Variants in CLEC12A observed in about 807,000 individuals in gnomAD.
CLEC12A encodes the protein C-type lectin protein CLL-1.
CLEC12A carries 22 observed loss-of-function variants against 26.5 expected under a neutral mutation model. That is an observed-to-expected ratio of 0.83 (90% CI 0.59 to 1.19). The LOEUF (loss-of-function observed/expected upper bound fraction) is 1.19, where lower values mean the gene tolerates loss of function less well. Ranked by LOEUF, CLEC12A falls within the 50% of genes most tolerant of loss-of-function variation. The pLI is 0.00. For synonymous variants in CLEC12A, 119 were observed against 101.9 expected (o/e 1.17, Z -1.01); for missense variants, 353 against 315.6 (o/e 1.12, Z -0.90).
chr12:9,957,293 G>T (rs1863756700), intron 1 of CLEC12A, among the ~76,000 whole-genome samples: 1 of 152,094 alleles, frequency 6.6e-6, no homozygotes, highest in Admixed American at 6.5e-5. Flanking sequence ...TTTGAGACTA[G>T]CCTGACCAAC....
At chr12:9,994,347 G>T (rs1864976801) in intron 4 of CLEC12A, among the ~76,000 whole-genome samples, 1 of 152,092 alleles carries the variant, frequency 6.6e-6, no homozygotes, top group Admixed American at 6.6e-5. Flanking sequence ...CTGTGAAGAG[G>T]CTTGCTTGTA....
At chr12:9,998,218 G>T, downstream of CLEC12A, 9 of 1,206,214 alleles carry the variant, frequency 7.5e-6, no homozygotes, top group Non-Finnish European at 1.1e-5. Context: ...AGCTTAGTGG[G>T]ATATGCCATG....
chr12:9,985,026 A>G lies in CLEC12A; in HGVS notation c.798A>G (p.Ter266TrpextTer18). ...GTTCTACATATTTTAGGGAGGCATGAGGCATCAATCAAATACATTTAAGGA... is the reference window on the plus strand; with the variant it reads ...GTTCTACATATTTTAGGGAGGCATGGGGCATCAATCAAATACATTTAAGGA... The part of the protein sequence containing the change: ...QLGSTYFREA[*>W] Residue 266 changes from the stop codon to tryptophan (W), a stop_lost, in exon 6 of 6, where the codon TGA (stop) becomes TGG (tryptophan). Coordinates refer to ENST00000304361, the MANE Select transcript of CLEC12A (RefSeq NM_138337.6). The G allele has an allele frequency of 6.6e-7, 1 of 1,513,050 alleles. No homozygotes were observed. The highest frequency in any genetic ancestry group is 2.5e-5 in the East Asian group (1 of 39,244). 93.7% of individuals were successfully genotyped at this position (1,513,050 alleles called of 1,614,324 possible).
intron 5 of CLEC12A, chr12:9,983,666 G>C: frequency 1.8e-6 from 1 of 569,694 alleles, no homozygotes; most frequent in South Asian, 2.2e-5. Context: ...CCACCACAGC[G>C]AGTTTAGGCA....
chr12:10,004,653 G>A, the CLEC12A span, among the ~76,000 whole-genome samples: 13 of 151,954 alleles, frequency 8.6e-5, no homozygotes, highest in African/African-American at 2.9e-4. Context: ...GGGCATGGCA[G>A]GCCAAAAGGC....
At chr12:9,986,847 G>A (rs1294545981), downstream of CLEC12A, among the ~76,000 whole-genome samples, 1 of 152,128 alleles carries the variant, frequency 6.6e-6, no homozygotes, top group Admixed American at 6.6e-5. Flanking sequence ...AATGCAGCAA[G>A]AATTGATTGG....
chr12:9,982,199 A>C (rs534681928), intron 5 of CLEC12A, 70 bp downstream of exon 5: 2 of 769,630 alleles, frequency 2.6e-6, no homozygotes, highest in Admixed American at 2.3e-5. Context: ...GGAGCACTGT[A>C]GATTCAAATT....
intron 4 of CLEC12A, chr12:9,993,084 A>G: frequency 6.6e-7 from 1 of 1,506,312 alleles, no homozygotes; most frequent in South Asian, 1.2e-5. Context: ...ATGCATTCAT[A>G]CATATCTTTT....
chr12:9,979,385 C>T lies in CLEC12A; in HGVS notation c.240C>T (p.Asn80=). The T allele has an allele frequency of 6.2e-7, 1 of 1,608,482 alleles. No individual in the cohort carries two copies. Residue 80 remains asparagine (N), a synonymous_variant, in exon 3 of 6, where the codon AAC becomes AAT. Transcript: ENST00000304361. ...IEMKKMNKLQ[N]ISEELQRNIS... ...TGAAAAAAATGAACAAACTACAAAACATCAGTGAAGAGCTCCAGAGAAATA... is the reference window on the plus strand; with the variant it reads ...TGAAAAAAATGAACAAACTACAAAATATCAGTGAAGAGCTCCAGAGAAATA...
chr12:9,972,326 A>G (rs1277897739), intron 1 of CLEC12A, among the ~76,000 whole-genome samples: 1 of 152,152 alleles, frequency 6.6e-6, no homozygotes, highest in African/African-American at 2.4e-5. Context: ...GTAACTTTGT[A>G]TTTTTCAATT....
chr12:9,976,489 A>G (rs570546627), intron 1 of CLEC12A, among the ~76,000 whole-genome samples: 1 of 152,290 alleles, frequency 6.6e-6, no homozygotes, highest in African/African-American at 2.4e-5. Context: ...AATTTCTCCC[A>G]TTTGGAATGA....
chr12:9,978,917 T>A, intron 1 of CLEC12A, 49 bp from the exon 2 acceptor site: 1 of 1,296,692 alleles, frequency 7.7e-7, no homozygotes, highest in Non-Finnish European at 1.1e-6. Flanking sequence ...ATAATCCAAA[T>A]GAAAGTTATA....
chr12:9,967,238 G>T (rs571639404), upstream of CLEC12A, among the ~76,000 whole-genome samples: 6 of 151,578 alleles, frequency 4.0e-5, no homozygotes, highest in African/African-American at 1.5e-4. Context: ...GGGAGGGAAA[G>T]AAGGAAGATT....
chr12:9,986,680 A>T (rs1864774947), downstream of CLEC12A, among the ~76,000 whole-genome samples: 1 of 152,128 alleles, frequency 6.6e-6, no homozygotes, highest in Non-Finnish European at 1.5e-5. Context: ...GCGTGGTGAC[A>T]CACGCCTACA....
chr12:9,957,636 G>GTCTA (rs1257297719), intron 1 of CLEC12A, among the ~76,000 whole-genome samples: 2 of 152,134 alleles, frequency 1.3e-5, no homozygotes, highest in Admixed American at 1.3e-4. Flanking sequence ...TTATGCCTCA[G>GTCTA]TCTAGATCAG....
In CLEC12A at chr12:9,971,554, T is replaced by C. The variant is rs1199356187; in HGVS notation, c.-43T>C. 3.8e-6 allele frequency: 6 copies of C among 1,586,682 alleles called. No homozygotes were observed. The highest frequency in any genetic ancestry group is 5.1e-6 in the Non-Finnish European group (6 of 1,168,612). On this transcript the variant is annotated 5_prime_UTR_variant, in exon 1 of 6. Coordinates refer to ENST00000304361, the MANE Select transcript of CLEC12A (RefSeq NM_138337.6). Reference sequence around the variant, plus strand: ...CAGCTCTGTTAACTCACTCATCTTTTTGTGTTTTTACACTTTGTCAAGATT... The same window carrying C: ...CAGCTCTGTTAACTCACTCATCTTTCTGTGTTTTTACACTTTGTCAAGATT...
intron 1 of CLEC12A, among the ~76,000 whole-genome samples, chr12:9,978,020 AC>A (rs1864404766): frequency 6.6e-6 from 1 of 152,104 alleles, no homozygotes; most frequent in Admixed American, 6.6e-5. Flanking sequence ...TTCAGTAGTA[AC>A]TATTTTCTAA....
downstream of CLEC12A, chr12:9,985,902 A>G (rs11053535): frequency 1.4e-3 from 233 of 161,568 alleles, no homozygotes; most frequent in African/African-American, 5.4e-3. Context: ...AACTTGTTTT[A>G]CCAGCTGTTT....
At chr12:9,976,166 C>CT (rs2137163060) in intron 1 of CLEC12A, among the ~76,000 whole-genome samples, 1 of 152,320 alleles carries the variant, frequency 6.6e-6, no homozygotes, top group African/African-American at 2.4e-5. Context: ...AGAGTCCCCA[C>CT]TGGGGTACTG....
Sources: allele counts gnomAD v4.1 joint callset (sites outside exome capture counted in the v4.1 genomes callset), GRCh38; gene constraint gnomAD v4.1.1; transcripts MANE v1.5; gene names NCBI Gene and HGNC (gene_info 2026-07-23, HGNC 2026-07-21).